Variants in PVT1 observed in about 807,000 individuals in gnomAD.
PVT1 encodes the protein CXCR4/PVT1 fusion.
At chr8:128,023,443 G>A (rs1304391710) in intron 4 of PVT1, among the ~76,000 whole-genome samples, 2 of 152,104 alleles carry the variant, frequency 1.3e-5, no homozygotes, top group South Asian at 2.1e-4. Context: ...CACTGAGCTC[G>A]TTGTGCACCA....
intron 5 of PVT1, among the ~76,000 whole-genome samples, chr8:128,075,762 A>C (rs1814079957): frequency 6.6e-6 from 1 of 152,170 alleles, no homozygotes; most frequent in Admixed American, 6.5e-5. Context: ...TAGCCACTCT[A>C]TTCTTTTTAA....
intron 4 of PVT1, among the ~76,000 whole-genome samples, chr8:128,064,339 C>T (rs1297871779): frequency 6.6e-6 from 1 of 152,208 alleles, no homozygotes; most frequent in African/African-American, 2.4e-5. Flanking sequence ...TGTGGGCTCA[C>T]GTGGGCAGAA....
At chr8:127,937,797 C>T (rs1411901083) in intron 3 of PVT1, among the ~76,000 whole-genome samples, 2 of 152,074 alleles carry the variant, frequency 1.3e-5, no homozygotes, top group Admixed American at 6.6e-5. Flanking sequence ...TTATGGGCAT[C>T]GAACAAGGGC....
intron 5 of PVT1, among the ~76,000 whole-genome samples, chr8:128,074,399 T>C (rs898129968): frequency 6.6e-6 from 1 of 151,820 alleles, no homozygotes; most frequent in African/African-American, 2.4e-5. Flanking sequence ...GGTGCATGCC[T>C]GTAATCCCAG....
chr8:127,809,496 A>G (rs1285151892), intron 2 of PVT1, among the ~76,000 whole-genome samples: 5 of 152,142 alleles, frequency 3.3e-5, no homozygotes, highest in East Asian at 1.9e-4. Flanking sequence ...GCTCGGCTCT[A>G]TGGAAGGTTT....
chr8:128,061,912 A>C (rs1181063007), intron 4 of PVT1, among the ~76,000 whole-genome samples: 1 of 152,264 alleles, frequency 6.6e-6, no homozygotes. Flanking sequence ...TGTACAAATG[A>C]AAAAACATAG....
intron 5 of PVT1, among the ~76,000 whole-genome samples, chr8:128,085,124 A>AT (rs2130158443): frequency 6.6e-6 from 1 of 152,244 alleles, no homozygotes; most frequent in South Asian, 2.1e-4. Context: ...GAGCATAATT[A>AT]TTCCAGGGAA....
intron 4 of PVT1, chr8:128,049,014 A>G: frequency 2.7e-6 from 1 of 367,480 alleles, no homozygotes; most frequent in South Asian, 2.1e-5. Context: ...TTCTGCAGCC[A>G]GCCATATGTT....
intron 4 of PVT1, among the ~76,000 whole-genome samples, chr8:128,037,851 C>A (rs903676534): frequency 1.3e-5 from 2 of 152,210 alleles, no homozygotes; most frequent in Non-Finnish European, 1.5e-5. Flanking sequence ...CAAAGTCACC[C>A]TTGATGAAGA....
At chr8:127,991,306 C>G (rs1291530349) in intron 4 of PVT1, among the ~76,000 whole-genome samples, 1 of 152,026 alleles carries the variant, frequency 6.6e-6, no homozygotes, top group Non-Finnish European at 1.5e-5. Flanking sequence ...CCACGCCTGG[C>G]TACTTTTTTT....
intron 3 of PVT1, among the ~76,000 whole-genome samples, chr8:127,894,016 G>A: frequency 6.6e-6 from 1 of 152,212 alleles, no homozygotes; most frequent in East Asian, 1.9e-4. Flanking sequence ...TTGCTGTTCT[G>A]ATTTCATGTC....
chr8:127,912,370 G>C (rs1008113853), intron 3 of PVT1, among the ~76,000 whole-genome samples: 2 of 152,200 alleles, frequency 1.3e-5, no homozygotes, highest in African/African-American at 4.8e-5. Context: ...CTCTACAGAT[G>C]AGGAAACTGA....
At chr8:127,925,250 T>C (rs1006803923) in intron 3 of PVT1, among the ~76,000 whole-genome samples, 1 of 152,190 alleles carries the variant, frequency 6.6e-6, no homozygotes, top group Admixed American at 6.5e-5. Flanking sequence ...CACAAGTATA[T>C]TGCATTTTTA....
intron 2 of PVT1, among the ~76,000 whole-genome samples, chr8:127,887,633 C>CT (rs1815540663): frequency 6.6e-6 from 1 of 152,216 alleles, no homozygotes; most frequent in Non-Finnish European, 1.5e-5. Context: ...TCAAGTGATT[C>CT]TCGTTCCTCA....
chr8:127,952,770 A>ATTT (rs200553184), intron 3 of PVT1, among the ~76,000 whole-genome samples: 36 of 148,662 alleles, frequency 2.4e-4, no homozygotes, highest in Admixed American at 1.0e-3. Flanking sequence ...TTGTGCCTGC[A>ATTT]TTTTTTTTTT....
At chr8:127,796,408 T>C (rs1160645462) in intron 2 of PVT1, among the ~76,000 whole-genome samples, 5 of 152,192 alleles carry the variant, frequency 3.3e-5, no homozygotes. Flanking sequence ...CTAGTTTATA[T>C]GATTGCTGGT....
intron 2 of PVT1, among the ~76,000 whole-genome samples, chr8:127,860,541 G>A (rs942165959): frequency 3.3e-5 from 5 of 151,920 alleles, no homozygotes; most frequent in African/African-American, 1.2e-4. Context: ...AAGGTGGGCG[G>A]ATCACAAGGT....
chr8:128,065,709 T>A (rs1813900420), intron 4 of PVT1, among the ~76,000 whole-genome samples: 1 of 152,024 alleles, frequency 6.6e-6, no homozygotes, highest in African/African-American at 2.4e-5. Context: ...AGAGAGGAAA[T>A]GCACCAAGGG....
chr8:127,876,534 T>A (rs1338055856), intron 2 of PVT1, among the ~76,000 whole-genome samples: 3 of 152,126 alleles, frequency 2.0e-5, no homozygotes, highest in African/African-American at 7.2e-5. Context: ...TCTTTCCCCT[T>A]CTCTCCCTTT....
Sources: allele counts gnomAD v4.1 joint callset (sites outside exome capture counted in the v4.1 genomes callset), GRCh38; gene constraint gnomAD v4.1.1; transcripts MANE v1.5; gene names NCBI Gene and HGNC (gene_info 2026-07-23, HGNC 2026-07-21).